Variants in ERC2 observed in about 807,000 individuals in gnomAD.
ERC2 encodes the protein ERC protein 2.
In ERC2, 42 loss-of-function variants were observed where a neutral mutation model predicts 114.8. The ratio of observed to expected loss-of-function variants is 0.37; its 90% CI spans 0.29 to 0.47. The LOEUF (loss-of-function observed/expected upper bound fraction) is 0.47. ERC2 is among the 20% of genes least tolerant of loss of function. The pLI is 0.99. For synonymous variants in ERC2, 454 were observed against 425.5 expected (o/e 1.07, Z -0.82); for missense variants, 939 against 1,150.7 (o/e 0.82, Z 2.66).
intron 14 of ERC2, among the ~76,000 whole-genome samples, chr3:55,866,440 G>A (rs555942054): frequency 9.3e-4 from 141 of 152,106 alleles, no homozygotes; most frequent in African/African-American, 3.1e-3. Flanking sequence ...TGATAGTATC[G>A]TTTGTAGCAC....
At chr3:56,058,870 C>A (rs6445765) in intron 7 of ERC2, among the ~76,000 whole-genome samples, 59,639 of 151,796 alleles carry the variant, frequency 0.39, 12,124 homozygotes, top group East Asian at 0.53. Flanking sequence ...TTCTTTCTTT[C>A]TTTATTTACA....
chr3:55,633,018 A>T (rs1314867672), intron 17 of ERC2, among the ~76,000 whole-genome samples: 2 of 152,086 alleles, frequency 1.3e-5, no homozygotes, highest in African/African-American at 4.8e-5. Flanking sequence ...TATCCATCTA[A>T]TCAAGAGAAG....
chr3:56,225,792 G>A (rs913172105), intron 3 of ERC2, among the ~76,000 whole-genome samples: 4 of 152,094 alleles, frequency 2.6e-5, no homozygotes, highest in African/African-American at 9.7e-5. Context: ...AACATCAAAG[G>A]GAAAGGAAGT....
intron 14 of ERC2, among the ~76,000 whole-genome samples, chr3:55,742,432 T>C (rs1271793750): frequency 1.3e-5 from 2 of 152,198 alleles, no homozygotes; most frequent in South Asian, 2.1e-4. Context: ...CATTAACACA[T>C]TGTTTCTTGT....
At chr3:55,785,608 A>G (rs530404235) in intron 14 of ERC2, among the ~76,000 whole-genome samples, 45 of 152,314 alleles carry the variant, frequency 3.0e-4, no homozygotes, top group African/African-American at 1.0e-3. Flanking sequence ...GCTCATGCCA[A>G]TGAAAAGCCA....
At chr3:55,540,755 A>G (rs1226388319) in intron 17 of ERC2, among the ~76,000 whole-genome samples, 1 of 152,228 alleles carries the variant, frequency 6.6e-6, no homozygotes, top group Non-Finnish European at 1.5e-5. Context: ...AAATTCTCTT[A>G]TCTGGGAAAG....
At chr3:55,610,060 C>CAAAA (rs1172154104) in intron 17 of ERC2, among the ~76,000 whole-genome samples, 36 of 50,426 alleles carry the variant, frequency 7.1e-4, no homozygotes, top group Non-Finnish European at 1.1e-3. Flanking sequence ...CAAACAAACA[C>CAAAA]AAACAAAAAA....
intron 1 of ERC2, among the ~76,000 whole-genome samples, chr3:56,446,461 T>C (rs1419427445): frequency 4.6e-5 from 7 of 152,070 alleles, no homozygotes; most frequent in Non-Finnish European, 1.5e-5. Context: ...GAAGGCTATA[T>C]GTCCTAGTTG....
chr3:55,714,657 GTGTGTGTGTGTATATATATATATATA>G (rs1176828123), intron 15 of ERC2, among the ~76,000 whole-genome samples: 10 of 66,074 alleles, frequency 1.5e-4, no homozygotes, highest in African/African-American at 6.3e-4. Flanking sequence ...GTGTGTGTGT[GTGTGTGTGTGTATATATATATATATA>G]TATATATATA....
intron 17 of ERC2, among the ~76,000 whole-genome samples, chr3:55,568,304 C>T (rs1575606401): frequency 6.6e-6 from 1 of 152,072 alleles, no homozygotes; most frequent in South Asian, 2.1e-4. Flanking sequence ...TCAACTTGGC[C>T]GGGGACCCAT....
At chr3:55,555,926 C>T (rs2107452970) in intron 17 of ERC2, among the ~76,000 whole-genome samples, 1 of 152,320 alleles carries the variant, frequency 6.6e-6, no homozygotes, top group South Asian at 2.1e-4. Context: ...TCCAAAGTGA[C>T]TGTACCCAGG....
chr3:56,105,735 T>A (rs530528547), intron 6 of ERC2, among the ~76,000 whole-genome samples: 6 of 152,242 alleles, frequency 3.9e-5, no homozygotes, highest in African/African-American at 1.2e-4. Context: ...ACAATCCAGA[T>A]AAGAATTGAC....
chr3:56,261,612 T>A (rs2052935667), intron 3 of ERC2, among the ~76,000 whole-genome samples: 1 of 152,212 alleles, frequency 6.6e-6, no homozygotes, highest in Non-Finnish European at 1.5e-5. Context: ...CCATTTCAGC[T>A]CTCAAACTCT....
At chr3:55,597,416 A>C (rs2148516958) in intron 17 of ERC2, among the ~76,000 whole-genome samples, 1 of 94,966 alleles carries the variant, frequency 1.1e-5, no homozygotes, top group Non-Finnish European at 2.5e-5. Flanking sequence ...TGAGACTCCA[A>C]CTCAAAAAAA....
At chr3:55,741,620 C>T (rs755444649) in intron 14 of ERC2, among the ~76,000 whole-genome samples, 13 of 152,222 alleles carry the variant, frequency 8.5e-5, no homozygotes, top group Non-Finnish European at 1.8e-4. Flanking sequence ...TACATATATG[C>T]CCATTCTTAG....
intron 10 of ERC2, among the ~76,000 whole-genome samples, chr3:55,997,082 A>ACATT (rs1365347036): frequency 6.6e-6 from 1 of 152,212 alleles, no homozygotes; most frequent in Non-Finnish European, 1.5e-5. Context: ...AAGGCAGGGA[A>ACATT]CATTCAATTA....
chr3:56,023,774 T>TGAAG (rs58820385), intron 7 of ERC2, among the ~76,000 whole-genome samples: 18,742 of 131,772 alleles, frequency 0.14, 1,608 homozygotes, highest in Middle Eastern at 0.2. Context: ...AAAAAAGGAA[T>TGAAG]GAAGGAAGGA....
At chr3:55,610,207 C>A (rs777681616) in intron 17 of ERC2, among the ~76,000 whole-genome samples, 1 of 151,962 alleles carries the variant, frequency 6.6e-6, no homozygotes, top group Non-Finnish European at 1.5e-5. Flanking sequence ...CACTAGATGA[C>A]CCATTAGCAC....
intron 2 of ERC2, among the ~76,000 whole-genome samples, chr3:56,386,989 C>A (rs985699277): frequency 6.6e-6 from 1 of 152,160 alleles, no homozygotes; most frequent in Non-Finnish European, 1.5e-5. Flanking sequence ...GAGGGACCTG[C>A]GTGGTTTTCA....
Sources: allele counts gnomAD v4.1 joint callset (sites outside exome capture counted in the v4.1 genomes callset), GRCh38; gene constraint gnomAD v4.1.1; transcripts MANE v1.5; gene names NCBI Gene and HGNC (gene_info 2026-07-23, HGNC 2026-07-21).